NCKAP5: variants seen among roughly 807,000 people sequenced by gnomAD.
NCKAP5 encodes nck-associated protein 5.
Under a neutral mutation model 167.0 loss-of-function variants are expected in NCKAP5, and 92 were observed. The observed-to-expected ratio is 0.55, with a 90% confidence interval of 0.47 to 0.66. The LOEUF is 0.66. NCKAP5 is among the 30% of genes least tolerant of loss of function. NCKAP5 has a pLI of 0.00. For missense variants in NCKAP5, 2,378 were observed against 2,315.0 expected, an observed-to-expected ratio of 1.03 and a Z score of -0.56; for synonymous variants, 891 against 877.4, an observed-to-expected ratio of 1.02 and a Z score of -0.27.
chr2:133,578,798 C>A, the NCKAP5 span, among the ~76,000 whole-genome samples: 1 of 152,218 alleles, frequency 6.6e-6, no homozygotes, highest in Non-Finnish European at 1.5e-5. Context: ...TGCGTCATGA[C>A]CTCAAGAACT....
intron 4 of NCKAP5, among the ~76,000 whole-genome samples, chr2:133,263,161 CAT>C (rs1286516034): frequency 1.3e-5 from 2 of 151,774 alleles, no homozygotes; most frequent in Non-Finnish European, 2.9e-5. Flanking sequence ...TTTTCATTGA[CAT>C]ATAATCAACC....
chr2:133,623,708 C>T, the NCKAP5 span, among the ~76,000 whole-genome samples: 2 of 151,482 alleles, frequency 1.3e-5, no homozygotes, highest in African/African-American at 2.4e-5. Context: ...GTAATGTAAA[C>T]AGGTACAACC....
intron 11 of NCKAP5, among the ~76,000 whole-genome samples, chr2:132,820,235 G>GT (rs148018470): frequency 0.19 from 28,082 of 148,102 alleles, 2,875 homozygotes; most frequent in East Asian, 0.31. Context: ...TTTTGTTTTT[G>GT]TTTTTTTTTT....
intron 6 of NCKAP5, among the ~76,000 whole-genome samples, chr2:133,102,937 T>C (rs1215868468): frequency 6.6e-6 from 1 of 152,168 alleles, no homozygotes; most frequent in Non-Finnish European, 1.5e-5. Flanking sequence ...ACCTTCCCTC[T>C]TTGAGCCTCA....
intron 8 of NCKAP5, among the ~76,000 whole-genome samples, chr2:132,908,999 T>A (rs75380731): frequency 6.6e-6 from 1 of 152,318 alleles, no homozygotes; most frequent in East Asian, 1.9e-4. Context: ...GAAATCTTGG[T>A]GTGATCAACT....
At chr2:133,210,173 A>AATAATATAATATAATATAAT (rs60915406) in intron 5 of NCKAP5, among the ~76,000 whole-genome samples, 38,339 of 144,854 alleles carry the variant, frequency 0.26, 5,706 homozygotes, top group African/African-American at 0.38. Context: ...CTCAAAAATA[A>AATAATATAATATAATATAAT]ATAATATAAT....
intron 3 of NCKAP5, among the ~76,000 whole-genome samples, chr2:133,414,710 T>C (rs1469688062): frequency 6.6e-6 from 1 of 152,240 alleles, no homozygotes; most frequent in Non-Finnish European, 1.5e-5. Flanking sequence ...GCATTTTTCC[T>C]GGTTAGGCCA....
At chr2:133,084,664 C>A (rs1032179686) in intron 6 of NCKAP5, among the ~76,000 whole-genome samples, 1 of 152,144 alleles carries the variant, frequency 6.6e-6, no homozygotes, top group Admixed American at 6.6e-5. Flanking sequence ...AGTCTCACCT[C>A]TGCCTTTCAA....
intron 8 of NCKAP5, among the ~76,000 whole-genome samples, chr2:132,896,533 T>G (rs1424401485): frequency 6.6e-6 from 1 of 152,194 alleles, no homozygotes. Context: ...TAGTTTCTTA[T>G]CGAGGGCTGG....
intron 19 of NCKAP5, among the ~76,000 whole-genome samples, chr2:132,719,149 T>C (rs945519445): frequency 6.6e-6 from 1 of 151,926 alleles, no homozygotes; most frequent in Non-Finnish European, 1.5e-5. Flanking sequence ...GTTCAGGACA[T>C]GCATAAACAA....
intron 3 of NCKAP5, among the ~76,000 whole-genome samples, chr2:133,509,761 G>A (rs1430119089): frequency 6.6e-6 from 1 of 152,126 alleles, no homozygotes; most frequent in Non-Finnish European, 1.5e-5. Context: ...CCCAATAAAC[G>A]TCCTACAATA....
At chr2:133,144,838 G>A (rs1298329689) in intron 5 of NCKAP5, among the ~76,000 whole-genome samples, 1 of 152,128 alleles carries the variant, frequency 6.6e-6, no homozygotes, top group African/African-American at 2.4e-5. Context: ...GAGAGCAGAG[G>A]CTCTGCAGTC....
intron 3 of NCKAP5, among the ~76,000 whole-genome samples, chr2:133,375,663 A>G (rs1322117120): frequency 6.6e-6 from 1 of 152,236 alleles, no homozygotes; most frequent in Non-Finnish European, 1.5e-5. Flanking sequence ...CTCATCCTTT[A>G]GCTCCCACTT....
chr2:133,166,007 G>A (rs965657522), intron 5 of NCKAP5, among the ~76,000 whole-genome samples: 14 of 152,136 alleles, frequency 9.2e-5, no homozygotes, highest in Non-Finnish European at 4.4e-5. Flanking sequence ...GGGATGAAAA[G>A]TATGTGGTCT....
At chr2:133,206,816 G>A (rs1034035307) in intron 5 of NCKAP5, among the ~76,000 whole-genome samples, 11 of 152,122 alleles carry the variant, frequency 7.2e-5, no homozygotes, top group Non-Finnish European at 1.6e-4. Flanking sequence ...CCCTGGGTAA[G>A]GAATGCATTC....
At chr2:133,324,283 T>A (rs1016974015) in intron 3 of NCKAP5, among the ~76,000 whole-genome samples, 4 of 152,262 alleles carry the variant, frequency 2.6e-5, no homozygotes, top group African/African-American at 9.6e-5. Context: ...GCAGGAGGCC[T>A]GAGTGGCATT....
chr2:133,256,599 A>G (rs2088630716), intron 4 of NCKAP5, among the ~76,000 whole-genome samples: 1 of 152,246 alleles, frequency 6.6e-6, no homozygotes, highest in East Asian at 1.9e-4. Flanking sequence ...AAAAATAGAT[A>G]AATGTAAAAT....
chr2:132,739,962 T>C (rs904979372), intron 16 of NCKAP5, among the ~76,000 whole-genome samples: 2 of 152,154 alleles, frequency 1.3e-5, no homozygotes, highest in Admixed American at 6.6e-5. Flanking sequence ...TCTCAAGTAA[T>C]AGTCCCAGAT....
At chr2:132,714,812 CAAAA>C (rs11329925) in intron 19 of NCKAP5, 234 of 373,680 alleles carry the variant, frequency 6.3e-4, no homozygotes, top group East Asian at 1.6e-3. Flanking sequence ...GAATCCATCT[CAAAA>C]AAAAAAAAAA....
Sources: allele counts gnomAD v4.1 joint callset (sites outside exome capture counted in the v4.1 genomes callset), GRCh38; gene constraint gnomAD v4.1.1; transcripts MANE v1.5; gene names NCBI Gene and HGNC (gene_info 2026-07-23, HGNC 2026-07-21).